Variants in PCSK5 observed in about 807,000 individuals in gnomAD.
PCSK5 encodes proprotein convertase subtilisin/kexin type 5.
A neutral mutation model predicts 233.2 loss-of-function variants in PCSK5; 129 were observed. That is an observed-to-expected ratio of 0.55 (90% confidence interval 0.48 to 0.64). The LOEUF is 0.64. Ranked by LOEUF, PCSK5 falls within the 30% of genes least tolerant of loss-of-function variation. PCSK5 has a pLI of 0.00. For missense variants in PCSK5, 2,076 were observed against 2,430.1 expected, an observed-to-expected ratio of 0.85 and a Z score of 3.06; for synonymous variants, 825 against 879.2, an observed-to-expected ratio of 0.94 and a Z score of 1.09.
intron 24 of PCSK5, among the ~76,000 whole-genome samples, chr9:76,263,988 T>G (rs981085605): frequency 2.6e-5 from 4 of 152,050 alleles, no homozygotes; most frequent in Non-Finnish European, 4.4e-5. Context: ...AAAAAGAGCC[T>G]GAATAGGCCA....
intron 30 of PCSK5, among the ~76,000 whole-genome samples, chr9:76,318,494 A>G (rs1045741679): frequency 7.9e-5 from 12 of 152,148 alleles, no homozygotes; most frequent in Non-Finnish European, 1.6e-4. Flanking sequence ...GAAAAAAAAG[A>G]AACCTCATCT....
chr9:75,953,136 C>T (rs1184284979), intron 2 of PCSK5, among the ~76,000 whole-genome samples: 4 of 152,098 alleles, frequency 2.6e-5, no homozygotes, highest in Admixed American at 2.6e-4. Flanking sequence ...ATGACTGTCT[C>T]ATTTGAAACT....
At chr9:75,947,989 G>A (rs1004466360) in intron 2 of PCSK5, among the ~76,000 whole-genome samples, 44 of 151,958 alleles carry the variant, frequency 2.9e-4, no homozygotes, top group African/African-American at 9.2e-4. Context: ...CCACAGGCAC[G>A]TACTACCATG....
At chr9:76,316,971 T>A (rs1267685267) in intron 30 of PCSK5, among the ~76,000 whole-genome samples, 1 of 152,168 alleles carries the variant, frequency 6.6e-6, no homozygotes, top group East Asian at 1.9e-4. Context: ...GGTACTACTG[T>A]GTGAGAAAGC....
At chr9:75,916,681 C>T (rs1358249697) in intron 1 of PCSK5, among the ~76,000 whole-genome samples, 1 of 151,828 alleles carries the variant, frequency 6.6e-6, no homozygotes, top group African/African-American at 2.4e-5. Flanking sequence ...TGGGTTGGTG[C>T]GTAGTGAGTG....
intron 32 of PCSK5, among the ~76,000 whole-genome samples, chr9:76,324,973 G>A (rs551662667): frequency 6.6e-5 from 10 of 152,130 alleles, no homozygotes; most frequent in Non-Finnish European, 1.3e-4. Context: ...CTGAGGGGAA[G>A]GTTTTTAGTA....
At chr9:76,067,815 A>T in intron 5 of PCSK5, 140 bp from the exon 6 acceptor site, 1 of 665,942 alleles carries the variant, frequency 1.5e-6, no homozygotes, top group Non-Finnish European at 2.7e-6. Flanking sequence ...CCATGGACAG[A>T]CAAAGTGCTA....
rs7860802 is a variant in PCSK5, at chr9:76,347,745, C to T, written c.4967-3083C>T. Among the ~76,000 whole-genome samples, 1,135 of 144,564 alleles carry T rather than the reference C, an allele frequency of 7.9e-3. 10 individuals are homozygous for T. The highest frequency in any genetic ancestry group is 0.026 in the African/African-American group (1,033 of 39,396). 94.8% of individuals were successfully genotyped at this position (144,564 alleles called of 152,430 possible). ...ATCTCTACTAACAAGAGTAAAACTCCGTCTCCAAAAATAAAAAGAAAAAAA... is the reference window on the plus strand; with the variant it reads ...ATCTCTACTAACAAGAGTAAAACTCTGTCTCCAAAAATAAAAAGAAAAAAA... On this transcript the variant is annotated intron_variant, in intron 35 of 37. Transcript: ENST00000674117.
chr9:75,970,237 C>A (rs1462192515), intron 2 of PCSK5, among the ~76,000 whole-genome samples: 2 of 152,182 alleles, frequency 1.3e-5, no homozygotes, highest in African/African-American at 4.8e-5. Flanking sequence ...TTAATTCAAT[C>A]TCTCATTAAT....
chr9:76,297,613 G>A (rs532429565), intron 27 of PCSK5, among the ~76,000 whole-genome samples: 6 of 152,280 alleles, frequency 3.9e-5, no homozygotes, highest in South Asian at 4.1e-4. Flanking sequence ...CTCTGTGACC[G>A]AGGTGGTTAA....
At chr9:75,976,396 C>G (rs917381413) in intron 2 of PCSK5, among the ~76,000 whole-genome samples, 4 of 151,806 alleles carry the variant, frequency 2.6e-5, no homozygotes, top group African/African-American at 9.7e-5. Flanking sequence ...AGCATCTTGG[C>G]ATGGCTAGGA....
intron 5 of PCSK5, among the ~76,000 whole-genome samples, chr9:76,040,308 C>A (rs930276149): frequency 2.4e-5 from 3 of 127,170 alleles, no homozygotes; most frequent in Admixed American, 8.5e-5. Context: ...GGTCTCACTC[C>A]CTTAGATGTG....
chr9:76,195,348 G>C (rs1272876529), intron 20 of PCSK5: 1 of 152,136 alleles, frequency 6.6e-6, no homozygotes, highest in Non-Finnish European at 1.5e-5. Flanking sequence ...TGAGGCACGA[G>C]GTTACTGTGA....
chr9:76,318,911 C>A (rs1587320678), intron 30 of PCSK5, among the ~76,000 whole-genome samples: 2 of 152,146 alleles, frequency 1.3e-5, no homozygotes, highest in South Asian at 4.1e-4. Context: ...AAACTTGGGT[C>A]ACATAGGGAA....
At chr9:75,968,819 G>A (rs1310586599) in intron 2 of PCSK5, among the ~76,000 whole-genome samples, 1 of 152,150 alleles carries the variant, frequency 6.6e-6, no homozygotes, top group Non-Finnish European at 1.5e-5. Flanking sequence ...TCAACGGTAG[G>A]GACCATTTGA....
At chr9:76,163,859 C>CTTTTTTT (rs67386134) in intron 12 of PCSK5, among the ~76,000 whole-genome samples, 19 of 97,878 alleles carry the variant, frequency 1.9e-4, no homozygotes, top group East Asian at 1.2e-3. Flanking sequence ...AAAAAGCTGT[C>CTTTTTTT]TTTTTTTTTT....
intron 33 of PCSK5, 24 bp downstream of exon 33, chr9:76,328,263 C>T (rs761038400): frequency 9.8e-6 from 15 of 1,531,158 alleles, no homozygotes; most frequent in South Asian, 7.8e-5. Context: ...CCGAGGACAG[C>T]TTTGTGTTTC....
intron 2 of PCSK5, among the ~76,000 whole-genome samples, chr9:75,970,242 A>G (rs4130034): frequency 0.76 from 116,255 of 152,114 alleles, 44,726 homozygotes; most frequent in East Asian, 0.81. Context: ...TCAATCTCTC[A>G]TTAATTCAAT....
At chr9:76,100,843 G>A (rs565664057) in intron 8 of PCSK5, among the ~76,000 whole-genome samples, 8 of 152,260 alleles carry the variant, frequency 5.3e-5, no homozygotes, top group African/African-American at 1.9e-4. Flanking sequence ...TATGGCAGCA[G>A]AGTTAGCACT....
Sources: allele counts gnomAD v4.1 joint callset (sites outside exome capture counted in the v4.1 genomes callset), GRCh38; gene constraint gnomAD v4.1.1; transcripts MANE v1.5; gene names NCBI Gene and HGNC (gene_info 2026-07-23, HGNC 2026-07-21).